Variants in SORCS2 observed in about 807,000 individuals in gnomAD.
SORCS2 encodes sortilin related VPS10 domain containing receptor 2, also known as VPS10 domain-containing receptor SorCS2.
Under a neutral mutation model 141.6 loss-of-function variants are expected in SORCS2, and 100 were observed. The observed-to-expected ratio is 0.71, with a 90% CI of 0.60 to 0.83. SORCS2 has a LOEUF of 0.83. Among genes scored for constraint, SORCS2 ranks in the 40% least tolerant of loss-of-function variants. SORCS2 has a pLI of 0.00. For synonymous variants in SORCS2, 789 were observed against 676.9 expected (o/e 1.17, Z -2.57); for missense variants, 1,646 against 1,560.2 (o/e 1.05, Z -0.93).
In SORCS2 at chr4:7,740,456, C is replaced by T. The variant is rs1013232191; in HGVS notation, c.*192C>T. On this transcript the variant is annotated 3_prime_UTR_variant, in exon 27 of 27. Coordinates refer to ENST00000507866, the MANE Select transcript of SORCS2 (RefSeq NM_020777.3). ...CCCACGGGGGGCCCACGGGACCCCC[C>T]GGGACTCCCCGGACATGGCCCTGCC... 2.4e-5 allele frequency: 14 copies of T among 592,274 alleles called. No homozygotes were observed. The highest frequency in any genetic ancestry group is 2.3e-4 in the East Asian group (8 of 35,532). 36.7% of individuals were successfully genotyped at this position (592,274 alleles called of 1,614,324 possible). A position where few individuals can be genotyped will look rare whatever the true frequency, so the allele number is the denominator to read the frequency against.
chr4:7,736,958 G>A, intron 25 of SORCS2, 111 bp from the exon 26 acceptor site: 1 of 1,394,110 alleles, frequency 7.2e-7, no homozygotes, highest in East Asian at 2.5e-5. Context: ...CTGGAGTGCT[G>A]TGGGCACCGT....
At chr4:7,408,305 C>CT (rs899186040) in intron 2 of SORCS2, among the ~76,000 whole-genome samples, 1 of 151,922 alleles carries the variant, frequency 6.6e-6, no homozygotes, top group Admixed American at 6.6e-5. Flanking sequence ...ATTCCCTCAG[C>CT]TTTTGTTTGT....
At chr4:7,733,691 C>T (rs1035957596) in intron 24 of SORCS2, among the ~76,000 whole-genome samples, 5 of 152,244 alleles carry the variant, frequency 3.3e-5, no homozygotes, top group Admixed American at 2.0e-4. Context: ...GCTGTCTCCT[C>T]GGCTGTCAGT....
intron 2 of SORCS2, among the ~76,000 whole-genome samples, chr4:7,471,994 C>T (rs1194937560): frequency 2.0e-5 from 3 of 152,366 alleles, no homozygotes; most frequent in African/African-American, 7.2e-5. Context: ...GGACCCGATT[C>T]AGCGGCATCA....
chr4:7,547,943 C>A (rs1320520858), intron 3 of SORCS2, among the ~76,000 whole-genome samples: 1 of 152,186 alleles, frequency 6.6e-6, no homozygotes, highest in African/African-American at 2.4e-5. Flanking sequence ...ATGCCACGGC[C>A]CACATGTCTG....
chr4:7,400,926 G>C (rs775925887), intron 2 of SORCS2, among the ~76,000 whole-genome samples: 46 of 151,400 alleles, frequency 3.0e-4, no homozygotes, highest in Non-Finnish European at 4.3e-4. Flanking sequence ...TGAATGGAGA[G>C]ATGGATGAAT....
At chr4:7,687,057 C>G (rs757255) in intron 10 of SORCS2, among the ~76,000 whole-genome samples, 98,088 of 152,058 alleles carry the variant, frequency 0.65, 32,087 homozygotes, top group East Asian at 0.91. Context: ...TCAACTCTAA[C>G]CACTGTGCAC....
chr4:7,527,483 C>T lies in SORCS2; in HGVS notation c.549-4047C>T, dbSNP rs534940155. 5.9e-4 allele frequency among the ~76,000 whole-genome samples: 90 copies of T among 152,236 alleles called. 1 individual carries two copies. The South Asian group carries it at 0.018, about 30-fold the overall frequency. ...TGCAGTGGGCCTCGGGGCCTCGGGG[C>T]GAGGACTGCAGGAGGTCGCTAGCAG... On this transcript the variant is annotated intron_variant, in intron 2 of 26. Transcript: ENST00000507866.
At position 7,237,355 on chromosome 4, in the gene SORCS2, G is replaced by A. The variant is rs192571439; in HGVS notation, c.480+44229G>A. On this transcript the variant is annotated intron_variant, in intron 1 of 26. Coordinates refer to ENST00000507866, the MANE Select transcript of SORCS2 (RefSeq NM_020777.3). Reference sequence around the variant, plus strand: ...CCTGGTGGCCTTCTGGTCTGTGTCCGCTGGGCTGCTGTTTTTAGAAGAGAC... The same window carrying A: ...CCTGGTGGCCTTCTGGTCTGTGTCCACTGGGCTGCTGTTTTTAGAAGAGAC... 4.7e-4 allele frequency among the ~76,000 whole-genome samples: 72 copies of A among 152,196 alleles called. 2 individuals are homozygous for A. The East Asian group carries it at 9.3e-3, about 20-fold the overall frequency.
At chr4:7,437,715 CT>C (rs11359730) in intron 2 of SORCS2, among the ~76,000 whole-genome samples, 52,952 of 150,584 alleles carry the variant, frequency 0.35, 9,571 homozygotes, top group South Asian at 0.43. Flanking sequence ...AAACCAAACA[CT>C]TTTTTTTTTA....
At chr4:7,305,721 C>T (rs1372157298) in intron 1 of SORCS2, among the ~76,000 whole-genome samples, 1 of 152,168 alleles carries the variant, frequency 6.6e-6, no homozygotes, top group African/African-American at 2.4e-5. Context: ...CTAGGGAGAC[C>T]TTCTCGATGC....
At chr4:7,205,212 C>T (rs1249141603) in intron 1 of SORCS2, among the ~76,000 whole-genome samples, 1 of 152,152 alleles carries the variant, frequency 6.6e-6, no homozygotes, top group Non-Finnish European at 1.5e-5. Context: ...GGTTAGGCTC[C>T]TTGGGTGGAC....
intron 1 of SORCS2, among the ~76,000 whole-genome samples, chr4:7,235,175 GA>G (rs1303713439): frequency 2.0e-5 from 3 of 152,230 alleles, no homozygotes; most frequent in South Asian, 4.1e-4. Flanking sequence ...AGATAGGCGG[GA>G]GGTGGCGAGC....
At chr4:7,322,599 G>A (rs1487551194) in intron 1 of SORCS2, among the ~76,000 whole-genome samples, 1 of 152,224 alleles carries the variant, frequency 6.6e-6, no homozygotes, top group Non-Finnish European at 1.5e-5. Flanking sequence ...GGAAATGCAG[G>A]AGGAGGGGCG....
At chr4:7,402,435 T>C (rs796905378) in intron 2 of SORCS2, among the ~76,000 whole-genome samples, 7 of 152,382 alleles carry the variant, frequency 4.6e-5, no homozygotes, top group African/African-American at 1.7e-4. Flanking sequence ...TTAGCTTGTT[T>C]TGCAAAGAAT....
At chr4:7,272,181 G>A (rs569622947) in intron 1 of SORCS2, among the ~76,000 whole-genome samples, 2 of 152,266 alleles carry the variant, frequency 1.3e-5, no homozygotes, top group East Asian at 1.9e-4. Flanking sequence ...TCCTCATTAC[G>A]ATAAGATAGT....
At chr4:7,393,258 C>T (rs2109104998) in intron 1 of SORCS2, among the ~76,000 whole-genome samples, 1 of 152,228 alleles carries the variant, frequency 6.6e-6, no homozygotes, top group East Asian at 1.9e-4. Flanking sequence ...GGGAGGAGAC[C>T]CTTGGCAATG....
At chr4:7,224,814 C>T (rs547285021) in intron 1 of SORCS2, among the ~76,000 whole-genome samples, 6 of 152,316 alleles carry the variant, frequency 3.9e-5, no homozygotes, top group South Asian at 4.1e-4. Context: ...CCAGGACAGT[C>T]CTGGGGCTTG....
intron 1 of SORCS2, among the ~76,000 whole-genome samples, chr4:7,221,597 C>T (rs925651057): frequency 6.6e-6 from 1 of 152,180 alleles, no homozygotes; most frequent in Non-Finnish European, 1.5e-5. Context: ...CAAAATCCAC[C>T]CAGCCCTTAA....
Sources: gnomAD v4.1 joint callset for allele counts (sites outside exome capture counted in the v4.1 genomes callset) on GRCh38, gnomAD v4.1.1 for gene constraint, MANE v1.5 for transcripts, NCBI Gene and HGNC (gene_info 2026-07-23, HGNC 2026-07-21) for gene names.